The following MICU1 variants were observed in gnomAD, a reference collection of about 807,000 sequenced individuals.
MICU1 encodes calcium uptake protein 1, mitochondrial.
A neutral mutation model predicts 56.8 loss-of-function variants in MICU1; 45 were observed. The observed-to-expected ratio is 0.79, with a 90% CI of 0.62 to 1.02. The LOEUF (loss-of-function observed/expected upper bound fraction) is 1.02. Ranked by LOEUF, MICU1 falls within the 50% of genes least tolerant of loss-of-function variation. MICU1 has a pLI of 0.00. For synonymous variants in MICU1, 186 were observed against 195.1 expected, an observed-to-expected ratio of 0.95 and a Z score of 0.39; for missense variants, 504 against 587.1, an observed-to-expected ratio of 0.86 and a Z score of 1.46.
At chr10:72,427,733 A>AATAAATAAAT (rs1241632825) in intron 8 of MICU1, among the ~76,000 whole-genome samples, 7 of 136,346 alleles carry the variant, frequency 5.1e-5, no homozygotes, top group East Asian at 3.2e-4. Context: ...CCATCTCTAA[A>AATAAATAAAT]ATATATATAT....
At position 72,575,373 on chromosome 10, in the gene MICU1, T is replaced by C. The variant is rs1840714654; in HGVS notation, c.-1-8579A>G. ...TTTAATTGTACAAATAATATAAAAATAAATTTTCATTGTCTAAAATGTTAC... is the reference window on the plus strand; with the variant it reads ...TTTAATTGTACAAATAATATAAAAACAAATTTTCATTGTCTAAAATGTTAC... On this transcript the variant is annotated intron_variant, in intron 1 of 11. Transcript: ENST00000361114. 4.6e-5 allele frequency among the ~76,000 whole-genome samples: 7 copies of C among 152,240 alleles called. No homozygotes were observed. In the South Asian group the frequency reaches 1.4e-3, roughly 31 times the overall value.
intron 1 of MICU1, among the ~76,000 whole-genome samples, chr10:72,622,304 C>T (rs1006530215): frequency 6.6e-5 from 10 of 151,570 alleles, no homozygotes; most frequent in Admixed American, 5.9e-4. Context: ...GTCCAGCAAC[C>T]AATTGCTCTT....
intron 1 of MICU1, among the ~76,000 whole-genome samples, chr10:72,619,190 A>C (rs1409982324): frequency 6.6e-6 from 1 of 152,200 alleles, no homozygotes; most frequent in African/African-American, 2.4e-5. Context: ...CACACCTGTA[A>C]TCCCAGCACT....
In MICU1 at chr10:72,610,259, C is replaced by CAAA. The variant is rs386371809; in HGVS notation, c.-2+15748_-2+15750dup. Among the ~76,000 whole-genome samples the CAAA allele has an allele frequency of 4.8e-3, 568 of 118,746 alleles. 9 individuals carry two copies. Among genetic ancestry groups the CAAA allele is most frequent in the Middle Eastern group, 0.018 (4 of 228 alleles). The allele number at this position is 118,746 out of a possible 152,430, so 77.9% of individuals were successfully genotyped here. On this transcript the variant is annotated intron_variant, in intron 1 of 11. Coordinates refer to ENST00000361114, the MANE Select transcript of MICU1 (RefSeq NM_001195518.2). ...ATAAGTGACAGAGTGACATACTCTC[C>CAAA]AAAAAAAAAAAAAAATAGTAAAAAA...
Position 72,566,763 on chromosome 10 carries a change from C to T in MICU1, c.31G>A (p.Ala11Thr), listed in dbSNP as rs1181224382. The T allele has an allele frequency of 6.2e-6, 10 of 1,611,530 alleles. No homozygotes were observed. The highest frequency in any genetic ancestry group is 8.5e-6 in the Non-Finnish European group (10 of 1,179,080). ...CATCGAGAACCCACAGCCAGTTCTG[C>T]CAAAGCAGAAAGTGAGTTCAGACGA... MFRLNSLSAL[A>T]ELAVGSRWYH... Residue 11 changes from alanine (A) to threonine (T), a missense_variant, in exon 2 of 12, where the codon GCA (alanine) becomes ACA (threonine). Ala to Thr is a moderately conservative substitution (Grantham distance 58, BLOSUM62 0). Transcript: ENST00000361114.
At chr10:72,511,169 T>C (rs1200266584) in intron 5 of MICU1, among the ~76,000 whole-genome samples, 1 of 152,204 alleles carries the variant, frequency 6.6e-6, no homozygotes, top group Non-Finnish European at 1.5e-5. Flanking sequence ...TACGTAGGCC[T>C]TTTAGGTTTG....
chr10:72,381,362 C>A (rs79392048), intron 10 of MICU1, among the ~76,000 whole-genome samples: 5,666 of 152,188 alleles, frequency 0.037, 343 homozygotes, highest in African/African-American at 0.13. Context: ...TTAAGTCCAT[C>A]CCTAGATGGC....
At chr10:72,493,220 CACAT>C (rs146442153) in intron 6 of MICU1, among the ~76,000 whole-genome samples, 4,114 of 152,228 alleles carry the variant, frequency 0.027, 175 homozygotes, top group African/African-American at 0.095. Flanking sequence ...CACCCACACA[CACAT>C]ACACACACAA....
intron 6 of MICU1, 186 bp from the exon 7 acceptor site, chr10:72,477,442 T>C: frequency 6.9e-7 from 1 of 1,455,528 alleles, no homozygotes; most frequent in Non-Finnish European, 9.3e-7. Context: ...GAATACTCCT[T>C]GAAACCAAAA....
intron 3 of MICU1, chr10:72,560,265 T>G (rs1044122534): frequency 6.6e-6 from 1 of 152,376 alleles, no homozygotes; most frequent in Non-Finnish European, 1.5e-5. Flanking sequence ...AATAGCACCA[T>G]GTTGGAACAG....
intron 3 of MICU1, among the ~76,000 whole-genome samples, chr10:72,555,967 A>C (rs1840148956): frequency 6.6e-6 from 1 of 152,248 alleles, no homozygotes; most frequent in South Asian, 2.1e-4. Context: ...TAATGTCTTG[A>C]GCCCAAGATA....
intron 1 of MICU1, among the ~76,000 whole-genome samples, chr10:72,590,856 A>T (rs112066231): frequency 0.027 from 4,143 of 151,098 alleles, 181 homozygotes; most frequent in African/African-American, 0.094. Flanking sequence ...TTAAAAAAAA[A>T]AAAAACAGAA....
At chr10:72,600,148 G>C (rs1051795398) in intron 1 of MICU1, among the ~76,000 whole-genome samples, 2 of 150,990 alleles carry the variant, frequency 1.3e-5, no homozygotes, top group Admixed American at 1.3e-4. Flanking sequence ...AAAAATTAGC[G>C]GGACATGATG....
At chr10:72,536,376 T>G (rs1441520215) in intron 4 of MICU1, among the ~76,000 whole-genome samples, 2 of 152,130 alleles carry the variant, frequency 1.3e-5, no homozygotes, top group African/African-American at 4.8e-5. Context: ...AGATGGAGTC[T>G]CGCTTTGTCC....
chr10:72,500,275 TATATATATATATATATATATATATATA>T (rs1564904470), intron 6 of MICU1, among the ~76,000 whole-genome samples: 13 of 9,242 alleles, frequency 1.4e-3, no homozygotes, highest in East Asian at 5.5e-3. Flanking sequence ...TATATATATA[TATATATATATATATATATATATATATA>T]TTTTTTTTTT....
At chr10:72,441,247 C>T (rs1226015591) in intron 8 of MICU1, among the ~76,000 whole-genome samples, 1 of 152,008 alleles carries the variant, frequency 6.6e-6, no homozygotes, top group African/African-American at 2.4e-5. Flanking sequence ...ATGTCCTTTG[C>T]AGGGACATGG....
chr10:72,610,361 T>A (rs944183373), intron 1 of MICU1, among the ~76,000 whole-genome samples: 4 of 152,140 alleles, frequency 2.6e-5, no homozygotes, highest in Non-Finnish European at 4.4e-5. Flanking sequence ...ATGTGGAATA[T>A]GGCAACTGAT....
intron 8 of MICU1, among the ~76,000 whole-genome samples, chr10:72,425,916 A>C (rs1476053998): frequency 6.6e-6 from 1 of 152,200 alleles, no homozygotes; most frequent in Non-Finnish European, 1.5e-5. Context: ...TTAAATTTTC[A>C]AGGGCAATAG....
chr10:72,391,175 T>C (rs1369805196), intron 10 of MICU1, among the ~76,000 whole-genome samples: 1 of 152,256 alleles, frequency 6.6e-6, no homozygotes, highest in Non-Finnish European at 1.5e-5. Context: ...GGCTCACGCC[T>C]GTAATCCCAA....
Sources: allele counts gnomAD v4.1 joint callset (sites outside exome capture counted in the v4.1 genomes callset), GRCh38; gene constraint gnomAD v4.1.1; transcripts MANE v1.5; gene names NCBI Gene and HGNC (gene_info 2026-07-23, HGNC 2026-07-21).